Variants in GFRA2 observed in about 807,000 individuals in gnomAD.
GFRA2 encodes the protein GDNF family receptor alpha 2.
In GFRA2, 17 loss-of-function variants were observed where a neutral mutation model predicts 48.3. That is an observed-to-expected ratio of 0.35 (90% CI 0.24 to 0.53). The LOEUF (loss-of-function observed/expected upper bound fraction) is 0.53, where lower values mean the gene tolerates loss of function less well. Ranked by LOEUF, GFRA2 falls within the 20% of genes least tolerant of loss-of-function variation. The pLI is 0.93. For missense variants in GFRA2, 660 were observed against 637.3 expected (o/e 1.04, Z -0.38); for synonymous variants, 305 against 257.2 (o/e 1.19, Z -1.78).
At chr8:21,729,070 AAGGCAGCCC>A (rs1216631083) in intron 4 of GFRA2, among the ~76,000 whole-genome samples, 1 of 152,198 alleles carries the variant, frequency 6.6e-6, no homozygotes, top group Non-Finnish European at 1.5e-5. Flanking sequence ...CCTGGAAAAC[AAGGCAGCCC>A]AGGTGACTCT....
intron 7 of GFRA2, 60 bp downstream of exon 7, chr8:21,702,745 T>C: frequency 6.7e-7 from 1 of 1,493,924 alleles, no homozygotes; most frequent in Non-Finnish European, 8.9e-7. Flanking sequence ...AGCTGAGTCA[T>C]TTCCCATGCC....
At chr8:21,789,881 C>T (rs1395604759), upstream of GFRA2, among the ~76,000 whole-genome samples, 2 of 152,132 alleles carry the variant, frequency 1.3e-5, no homozygotes, top group Non-Finnish European at 2.9e-5. Flanking sequence ...AGGAATCGGG[C>T]AGGGGCTCGC....
chr8:21,758,072 C>G (rs1480263753), intron 3 of GFRA2, among the ~76,000 whole-genome samples: 4 of 152,132 alleles, frequency 2.6e-5, no homozygotes, highest in African/African-American at 9.7e-5. Context: ...CTCACAGGCC[C>G]CACCGAGTCA....
intron 4 of GFRA2, among the ~76,000 whole-genome samples, chr8:21,717,238 G>T (rs922644493): frequency 6.6e-6 from 1 of 152,148 alleles, no homozygotes; most frequent in Non-Finnish European, 1.5e-5. Context: ...GACAGAACTG[G>T]CCTTGGATTA....
intron 2 of GFRA2, among the ~76,000 whole-genome samples, chr8:21,800,403 C>T (rs1807749358): frequency 6.6e-6 from 1 of 152,212 alleles, no homozygotes; most frequent in Non-Finnish European, 1.5e-5. Context: ...CACGCCACTC[C>T]CTCTCCTAAT....
chr8:21,773,738 A>G (rs1271834245), intron 3 of GFRA2, among the ~76,000 whole-genome samples: 1 of 152,228 alleles, frequency 6.6e-6, no homozygotes, highest in Admixed American at 6.5e-5. Flanking sequence ...AGAGTTCTTT[A>G]TTTGAAAGGG....
intron 2 of GFRA2, among the ~76,000 whole-genome samples, chr8:21,795,986 A>C (rs1807667870): frequency 6.6e-6 from 1 of 152,252 alleles, no homozygotes; most frequent in Non-Finnish European, 1.5e-5. Context: ...CTGTTTCACC[A>C]GAAATCCCAG....
chr8:21,709,425 T>C (rs1170191563), intron 4 of GFRA2, among the ~76,000 whole-genome samples: 4 of 152,250 alleles, frequency 2.6e-5, no homozygotes, highest in Admixed American at 2.6e-4. Context: ...ATTGATTTCC[T>C]CATCCATATC....
At chr8:21,780,212 G>A (rs1367772702) in intron 2 of GFRA2, among the ~76,000 whole-genome samples, 1 of 152,056 alleles carries the variant, frequency 6.6e-6, no homozygotes, top group Middle Eastern at 3.4e-3. Context: ...GGAGGGCCCG[G>A]GGAAAGGTCT....
At chr8:21,709,591 G>A (rs1050419909) in intron 4 of GFRA2, among the ~76,000 whole-genome samples, 6 of 152,190 alleles carry the variant, frequency 3.9e-5, no homozygotes, top group African/African-American at 9.6e-5. Context: ...CCGGGGTAGT[G>A]TGCCTGGGGG....
intron 5 of GFRA2, among the ~76,000 whole-genome samples, chr8:21,705,708 G>A (rs1802705401): frequency 6.6e-6 from 1 of 152,218 alleles, no homozygotes; most frequent in Non-Finnish European, 1.5e-5. Flanking sequence ...AGCTTTAGGA[G>A]GCCCCTGGGG....
At chr8:21,792,313 C>A (rs897244097), upstream of GFRA2, among the ~76,000 whole-genome samples, 1 of 152,260 alleles carries the variant, frequency 6.6e-6, no homozygotes, top group Admixed American at 6.5e-5. Flanking sequence ...CTGAGGGTTC[C>A]CTGACCCCAG....
At chr8:21,707,614 A>G (rs997685412) in intron 4 of GFRA2, among the ~76,000 whole-genome samples, 25 of 152,230 alleles carry the variant, frequency 1.6e-4, no homozygotes, top group Non-Finnish European at 1.9e-4. Context: ...TACCAAACCA[A>G]GAGTCAGCTC....
chr8:21,802,498 A>T (rs969521420), intron 2 of GFRA2, among the ~76,000 whole-genome samples: 2 of 151,964 alleles, frequency 1.3e-5, no homozygotes, highest in Admixed American at 6.6e-5. Flanking sequence ...GGGACTACAG[A>T]TGTGCACCAC....
chr8:21,765,689 C>T (rs139607841), intron 3 of GFRA2, among the ~76,000 whole-genome samples: 2 of 152,248 alleles, frequency 1.3e-5, no homozygotes, highest in African/African-American at 4.8e-5. Context: ...GTCCTTGGCA[C>T]TTCCGGGGGG....
intron 4 of GFRA2, among the ~76,000 whole-genome samples, chr8:21,710,225 C>A (rs954904549): frequency 8.5e-5 from 13 of 152,326 alleles, no homozygotes; most frequent in African/African-American, 3.1e-4. Flanking sequence ...CTGCCAACCT[C>A]CCGCCTTGGG....
chr8:21,722,711 C>T (rs538591823), intron 4 of GFRA2, among the ~76,000 whole-genome samples: 1 of 152,338 alleles, frequency 6.6e-6, no homozygotes, highest in South Asian at 2.1e-4. Context: ...CTTTCCCCCC[C>T]AGTCAGAGGC....
In GFRA2 at chr8:21,806,534, T is replaced by C. The variant is rs575118767; in HGVS notation, c.-147-1406A>G. The stretch of plus-strand genomic sequence containing the variant: ...AGACTGGAGTGCAGAGGCACGATCA[T>C]AGCTCACCGCAGCCCAGGACCCCGG... On this transcript the variant is annotated intron_variant, in intron 1 of 10. Coordinates refer to the GFRA2 transcript ENST00000517328. Among the ~76,000 whole-genome samples, 10 of 152,316 alleles carry C rather than the reference T, an allele frequency of 6.6e-5. No individual in the cohort carries two copies. In the East Asian group the frequency reaches 1.7e-3, roughly 26 times the overall value.
intron 3 of GFRA2, among the ~76,000 whole-genome samples, chr8:21,755,176 G>A (rs185502154): frequency 7.9e-5 from 12 of 152,212 alleles, no homozygotes; most frequent in Non-Finnish European, 1.6e-4. Flanking sequence ...CCCACAGAAC[G>A]TACAACACCA....
Sources: gnomAD v4.1 joint callset for allele counts (sites outside exome capture counted in the v4.1 genomes callset) on GRCh38, gnomAD v4.1.1 for gene constraint, MANE v1.5 for transcripts, NCBI Gene and HGNC (gene_info 2026-07-23, HGNC 2026-07-21) for gene names.